RAPGEF4: variants seen among roughly 807,000 people sequenced by gnomAD.
RAPGEF4 encodes the protein Rap guanine nucleotide exchange factor 4, also known as RAP guanine-nucleotide-exchange factor (GEF) 4.
RAPGEF4 carries 66 observed loss-of-function variants against 147.9 expected under a neutral mutation model. The observed-to-expected ratio is 0.45, with a 90% CI of 0.37 to 0.55. RAPGEF4 has a LOEUF of 0.55. Ranked by LOEUF, RAPGEF4 falls within the 20% of genes least tolerant of loss-of-function variation. The probability of loss-of-function intolerance (pLI) is 0.00; values close to 1 mark genes in which losing one functional copy is unlikely to be tolerated. For missense variants in RAPGEF4, 1,071 were observed against 1,257.3 expected, an observed-to-expected ratio of 0.85 and a Z score of 2.24; for synonymous variants, 419 against 442.7, an observed-to-expected ratio of 0.95 and a Z score of 0.67.
chr2:172,875,670 G>T (rs1356399719), intron 4 of RAPGEF4, among the ~76,000 whole-genome samples: 1 of 152,202 alleles, frequency 6.6e-6, no homozygotes, highest in Non-Finnish European at 1.5e-5. Flanking sequence ...ATAGTTTGAA[G>T]TCAGGTAGCA....
At chr2:172,819,458 G>GTTTTTTTT (rs1553514342) in intron 4 of RAPGEF4, among the ~76,000 whole-genome samples, 5 of 79,692 alleles carry the variant, frequency 6.3e-5, no homozygotes, top group African/African-American at 1.8e-4. Flanking sequence ...ACCATTTTTA[G>GTTTTTTTT]TTCTTTTTTT....
chr2:172,926,897 A>G lies in RAPGEF4; in HGVS notation c.537+4597A>G, dbSNP rs1011149027. Among the ~76,000 whole-genome samples, 86 of 152,296 alleles carry G rather than the reference A, an allele frequency of 5.6e-4. 2 individuals are homozygous for G. Among genetic ancestry groups the G allele is most frequent in the African/African-American group, 2.0e-3 (84 of 41,560 alleles). On this transcript the variant is annotated intron_variant, in intron 6 of 30. Coordinates refer to ENST00000397081, the MANE Select transcript of RAPGEF4 (RefSeq NM_007023.4). ...AGGTCCTCATTTTTTAGGCAGTTAT[A>G]GTATTGATAGTATGATTAATAAGCT... is the stretch of plus-strand genomic sequence containing the variant.
intron 4 of RAPGEF4, among the ~76,000 whole-genome samples, chr2:172,876,028 A>C (rs1170562335): frequency 4.6e-5 from 7 of 152,154 alleles, no homozygotes; most frequent in African/African-American, 1.4e-4. Context: ...GAGTTCACTC[A>C]TGATTTGGCT....
chr2:172,936,796 A>G (rs1313020648), intron 6 of RAPGEF4, among the ~76,000 whole-genome samples: 5 of 152,176 alleles, frequency 3.3e-5, no homozygotes, highest in Non-Finnish European at 7.4e-5. Flanking sequence ...AGCAGTTGTG[A>G]TGGCTACGAA....
intron 8 of RAPGEF4, among the ~76,000 whole-genome samples, chr2:172,963,461 T>C (rs1046921410): frequency 6.6e-6 from 1 of 152,254 alleles, no homozygotes; most frequent in Non-Finnish European, 1.5e-5. Context: ...GATGTGATTG[T>C]GCTTTGCCAA....
intron 29 of RAPGEF4, among the ~76,000 whole-genome samples, chr2:173,044,142 C>A (rs1479174918): frequency 2.6e-5 from 4 of 152,250 alleles, no homozygotes; most frequent in East Asian, 3.9e-4. Context: ...TATACCTACT[C>A]TAGTTACATG....
intron 1 of RAPGEF4, among the ~76,000 whole-genome samples, chr2:172,787,312 AC>A (rs1313851591): frequency 6.6e-6 from 1 of 152,198 alleles, no homozygotes; most frequent in African/African-American, 2.4e-5. Flanking sequence ...AGACATTATT[AC>A]CATTATGATT....
intron 4 of RAPGEF4, among the ~76,000 whole-genome samples, chr2:172,838,620 G>T (rs1252000228): frequency 6.6e-6 from 1 of 150,736 alleles, no homozygotes; most frequent in African/African-American, 2.5e-5. Context: ...ACCTAGATAT[G>T]GGTTTTAAAA....
intron 1 of RAPGEF4, among the ~76,000 whole-genome samples, chr2:172,742,062 C>A (rs912953579): frequency 6.6e-6 from 1 of 152,128 alleles, no homozygotes; most frequent in Non-Finnish European, 1.5e-5. Context: ...GCTCCCCACT[C>A]CCCCCAGGAT....
chr2:172,971,740 G>A (rs536875650), intron 10 of RAPGEF4, among the ~76,000 whole-genome samples: 7 of 151,048 alleles, frequency 4.6e-5, no homozygotes, highest in Middle Eastern at 3.4e-3. Context: ...CTACATGCAC[G>A]TACACACATA....
intron 10 of RAPGEF4, among the ~76,000 whole-genome samples, chr2:172,980,561 A>T (rs185280220): frequency 1.2e-4 from 18 of 152,308 alleles, no homozygotes; most frequent in Non-Finnish European, 2.1e-4. Flanking sequence ...AGAGAGCTTC[A>T]GGCATGCTTA....
chr2:173,007,969 C>T (rs575450377), intron 17 of RAPGEF4, among the ~76,000 whole-genome samples: 3 of 152,324 alleles, frequency 2.0e-5, no homozygotes, highest in South Asian at 4.1e-4. Flanking sequence ...TACGGTCTGG[C>T]TCTATGTCCC....
intron 1 of RAPGEF4, among the ~76,000 whole-genome samples, chr2:172,755,615 C>T (rs570170546): frequency 1.3e-5 from 2 of 152,198 alleles, no homozygotes; most frequent in African/African-American, 2.4e-5. Context: ...AGGTTTGTCT[C>T]GAACTCCTGA....
intron 4 of RAPGEF4, among the ~76,000 whole-genome samples, chr2:172,826,307 G>A (rs1316209602): frequency 6.6e-6 from 1 of 152,166 alleles, no homozygotes; most frequent in Non-Finnish European, 1.5e-5. Flanking sequence ...GTCCAATACT[G>A]TGTCTACCTC....
At chr2:172,948,135 A>G (rs1161040889) in intron 6 of RAPGEF4, among the ~76,000 whole-genome samples, 1 of 152,132 alleles carries the variant, frequency 6.6e-6, no homozygotes, top group Non-Finnish European at 1.5e-5. Context: ...TCATTCCATT[A>G]TGGGACTACA....
At chr2:172,913,086 G>C (rs2150013607) in intron 4 of RAPGEF4, among the ~76,000 whole-genome samples, 1 of 152,004 alleles carries the variant, frequency 6.6e-6, no homozygotes, top group East Asian at 1.9e-4. Context: ...AATAGAGATG[G>C]GGTTTCACCA....
At chr2:172,825,536 A>G (rs555882768) in intron 4 of RAPGEF4, among the ~76,000 whole-genome samples, 23 of 152,358 alleles carry the variant, frequency 1.5e-4, no homozygotes, top group African/African-American at 5.3e-4. Flanking sequence ...CTGATTATAA[A>G]TACCCAATGT....
At chr2:172,803,442 GGA>G (rs1306288715) in intron 3 of RAPGEF4, among the ~76,000 whole-genome samples, 2 of 152,322 alleles carry the variant, frequency 1.3e-5, no homozygotes, top group East Asian at 3.9e-4. Context: ...GGTCATGGCT[GGA>G]GTGGCTAGGA....
chr2:172,859,940 C>A, intron 4 of RAPGEF4: 1 of 780,528 alleles, frequency 1.3e-6, no homozygotes. Flanking sequence ...GTAGAATAAA[C>A]AGTGGAATCC....
Sources: allele counts gnomAD v4.1 joint callset (sites outside exome capture counted in the v4.1 genomes callset), GRCh38; gene constraint gnomAD v4.1.1; transcripts MANE v1.5; gene names NCBI Gene and HGNC (gene_info 2026-07-23, HGNC 2026-07-21).